Variants in CFAP46 observed in about 807,000 individuals in gnomAD.
CFAP46 encodes cilia- and flagella-associated protein 46.
CFAP46 carries 245 observed loss-of-function variants against 325.7 expected under a neutral mutation model. The ratio of observed to expected loss-of-function variants is 0.75; its 90% CI spans 0.68 to 0.84. CFAP46 has a LOEUF of 0.84. Among genes scored for constraint, CFAP46 ranks in the 40% least tolerant of loss-of-function variants. CFAP46 has a pLI of 0.00. For synonymous variants in CFAP46, 1,523 were observed against 1,495.9 expected (o/e 1.02, Z -0.42); for missense variants, 3,346 against 3,543.0 (o/e 0.94, Z 1.41).
At chr10:132,844,932 CA>C (rs2135089534) in intron 44 of CFAP46, among the ~76,000 whole-genome samples, 1 of 152,300 alleles carries the variant, frequency 6.6e-6, no homozygotes, top group Non-Finnish European at 1.5e-5. Context: ...TGGCTCACTG[CA>C]GCCTCGAACT....
At chr10:132,872,339 C>A (rs1331453011) in intron 32 of CFAP46, among the ~76,000 whole-genome samples, 1 of 152,164 alleles carries the variant, frequency 6.6e-6, no homozygotes, top group Non-Finnish European at 1.5e-5. Flanking sequence ...CTGCAGCCTC[C>A]ATTTCTTAGG....
Position 132,876,863 on chromosome 10 carries a change from C to T in CFAP46, c.4311G>A (p.Leu1437=), listed in dbSNP as rs773445247. ...YSCPEEVLSV[L]KQDRSDSTVN... is the part of the protein sequence containing the mutation. ...CAGTAGAGTCACTTCTGTCCTGTTT[C>T]AGTACAGACAGCACTTCCTCGGGGC... Residue 1437 remains leucine (L), a synonymous_variant, in exon 31 of 58, where the codon CTG becomes CTA. Coordinates refer to ENST00000368586, the MANE Select transcript of CFAP46 (RefSeq NM_001200049.3). This position sits in a 1 kb window ranked among gnomAD's most constrained non-coding sequence, Gnocchi z 4.1. 4.5e-5 allele frequency: 70 copies of T among 1,550,364 alleles called. No individual in the cohort carries two copies. The highest frequency in any genetic ancestry group is 1.7e-4 in the Middle Eastern group (1 of 5,940).
intron 8 of CFAP46, among the ~76,000 whole-genome samples, chr10:132,932,368 TCC>T (rs1849924770): frequency 6.3e-5 from 7 of 111,810 alleles, no homozygotes; most frequent in South Asian, 2.8e-4. Flanking sequence ...TGGGCTTTCC[TCC>T]TCCCCACGCA....
rs138576759 is a variant in CFAP46, at chr10:132,888,252, C to T, written c.3305-2293G>A. 9.4e-3 allele frequency among the ~76,000 whole-genome samples: 1,419 copies of T among 151,276 alleles called. 34 individuals are homozygous for T. The highest frequency in any genetic ancestry group is 0.032 in the African/African-American group (1,311 of 40,780). On this transcript the variant is annotated intron_variant, in intron 25 of 57. Coordinates refer to ENST00000368586, the MANE Select transcript of CFAP46 (RefSeq NM_001200049.3). Reference sequence around the variant, plus strand: ...GGGTCTTGGGTTTTCCTGGCTGTCTCCACACCCTGCCACCCCTCACCTGGC... The same window carrying T: ...GGGTCTTGGGTTTTCCTGGCTGTCTTCACACCCTGCCACCCCTCACCTGGC...
chr10:132,824,182 A>T (rs1200649186), intron 50 of CFAP46, among the ~76,000 whole-genome samples: 37 of 99,968 alleles, frequency 3.7e-4, no homozygotes, highest in African/African-American at 1.5e-3. Context: ...GTGAGCGCTG[A>T]TGTGTGCTGT....
rs985925526 is a variant in CFAP46, at chr10:132,811,158, G to A, written c.7502-127C>T. On this transcript the variant is annotated intron_variant, in intron 55 of 57. Coordinates refer to ENST00000368586, the MANE Select transcript of CFAP46 (RefSeq NM_001200049.3). Reference sequence around the variant, plus strand: ...ATGGCACGCTGGCCACTCAGCTCCGGGCTCCGACCTCATGACCGTCAGGTT... The same window carrying A: ...ATGGCACGCTGGCCACTCAGCTCCGAGCTCCGACCTCATGACCGTCAGGTT... 1.8e-5 allele frequency: 14 copies of A among 779,724 alleles called. 1 individual carries two copies. In the South Asian group the frequency reaches 2.3e-4, roughly 13 times the overall value. 48.3% of individuals were successfully genotyped at this position (779,724 alleles called of 1,614,324 possible). A position where few individuals can be genotyped will look rare whatever the true frequency, so the allele number is the denominator to read the frequency against.
chr10:132,812,311 T>C (rs1251640915), intron 55 of CFAP46, among the ~76,000 whole-genome samples: 2 of 152,202 alleles, frequency 1.3e-5, no homozygotes, highest in Non-Finnish European at 2.9e-5. Context: ...GGTGTCACTG[T>C]GCCAAGCATG....
At chr10:132,835,857 C>T (rs1217357508) in intron 46 of CFAP46, among the ~76,000 whole-genome samples, 1 of 144,658 alleles carries the variant, frequency 6.9e-6, no homozygotes, top group African/African-American at 2.6e-5. Context: ...GCTCCCCTCC[C>T]GAAACCACTC....
At chr10:132,937,865 T>G (rs1190791455) in intron 5 of CFAP46, among the ~76,000 whole-genome samples, 190 bp from the exon 6 acceptor site, 1 of 152,204 alleles carries the variant, frequency 6.6e-6, no homozygotes, top group African/African-American at 2.4e-5. Context: ...GACAGCTCGT[T>G]ACCGCTAGCA....
rs548253364 is a variant in CFAP46 at position 132,908,072 on chromosome 10, T to A, written c.2924+396A>T. On this transcript the variant is annotated intron_variant, in intron 22 of 57. Transcript: ENST00000368586. ...CCAGCAGGCCACACACCCCTCCTGC[T>A]GAGGCCCACGTGACTTCAGAATCCT... is the stretch of plus-strand genomic sequence containing the variant. Among the ~76,000 whole-genome samples, 8 of 152,354 alleles carry A rather than the reference T, an allele frequency of 5.3e-5. 1 individual carries two copies. In the East Asian group the frequency reaches 1.5e-3, roughly 29 times the overall value.
At position 132,889,749 on chromosome 10, in the gene CFAP46, A is replaced by G. The variant is rs4880462; in HGVS notation, c.3304+2584T>C. ...CTCCTCCCCGGAGGCCGTCAGCTCC[A>G]TGGTGCCTCCGGGTGGGTGAGGGCC... On this transcript the variant is annotated intron_variant, in intron 25 of 57. Coordinates refer to ENST00000368586, the MANE Select transcript of CFAP46 (RefSeq NM_001200049.3). This position sits in a 1 kb window ranked among gnomAD's most constrained non-coding sequence, Gnocchi z 6.0. Among the ~76,000 whole-genome samples the G allele has an allele frequency of 0.61, 91,986 of 151,978 alleles. 29,073 individuals are homozygous for G. Among genetic ancestry groups the G allele is most frequent in the African/African-American group, 0.78 (32,473 of 41,494 alleles).
intron 11 of CFAP46, among the ~76,000 whole-genome samples, chr10:132,924,463 T>A (rs1018348233): frequency 6.6e-6 from 1 of 152,176 alleles, no homozygotes; most frequent in Admixed American, 6.5e-5. Flanking sequence ...GGGACACAGA[T>A]GCCCGTGAGG....
chr10:132,832,603 A>C lies in CFAP46; in HGVS notation c.7117+755T>G. On this transcript the variant is annotated intron_variant, in intron 50 of 57. Transcript: ENST00000368586. This position sits in a 1 kb window ranked among gnomAD's most constrained non-coding sequence, Gnocchi z 4.1. ...TCCCTGTTACTTCATCTGAGATGGAAGCAAAAGTCCAATCGATTTATTTTT... is the reference window on the plus strand; with the variant it reads ...TCCCTGTTACTTCATCTGAGATGGACGCAAAAGTCCAATCGATTTATTTTT... The C allele has an allele frequency of 2.8e-6, 1 of 356,750 alleles. No individual in the cohort carries two copies. The highest frequency in any genetic ancestry group is 2.1e-5 in the South Asian group (1 of 48,508). 22.1% of individuals were successfully genotyped at this position (356,750 alleles called of 1,614,324 possible).
At chr10:132,912,599 T>TTTC (rs1849567878) in intron 19 of CFAP46, 56 bp downstream of exon 19, 1 of 1,386,162 alleles carries the variant, frequency 7.2e-7, no homozygotes, top group Non-Finnish European at 9.5e-7. Flanking sequence ...CTCTCTCTCC[T>TTTC]CTCTCCTCTC....
In CFAP46 at chr10:132,919,406, C is replaced by T. The variant is rs1849687253; in HGVS notation, c.1767G>A (p.Arg589=). The T allele has an allele frequency of 6.5e-7, 1 of 1,550,186 alleles. No individual in the cohort carries two copies. Among genetic ancestry groups the T allele is most frequent in the African/African-American group, 1.4e-5 (1 of 73,150 alleles). The part of the protein sequence containing the change: ...QIWAELAKVA[R]KQGVWDVCRT... ...GACAGACGTCCCACACGCCTTGTTT[C>T]CGGGCCACTTTGGCCAGCTCTGCCC... Residue 589 remains arginine, a synonymous_variant, in exon 15 of 58, where the codon CGG becomes CGA. Coordinates refer to ENST00000368586, the MANE Select transcript of CFAP46 (RefSeq NM_001200049.3). This position sits in a 1 kb window ranked among gnomAD's most constrained non-coding sequence, Gnocchi z 9.7.
chr10:132,830,434 G>C (rs1287780559), intron 50 of CFAP46, among the ~76,000 whole-genome samples: 2 of 152,192 alleles, frequency 1.3e-5, no homozygotes, highest in East Asian at 3.9e-4. Flanking sequence ...GAGCCACCGC[G>C]CCCAGCCAAG....
chr10:132,900,411 G>A (rs141536581), intron 22 of CFAP46, among the ~76,000 whole-genome samples: 452 of 152,376 alleles, frequency 3.0e-3, no homozygotes, highest in Middle Eastern at 0.01. Flanking sequence ...CAGGATTCTC[G>A]CCATGGATGG....
At position 132,939,305 on chromosome 10, in the gene CFAP46, G is replaced by T. The variant is rs1199684744; in HGVS notation, c.372-552C>A. Among the ~76,000 whole-genome samples the T allele has an allele frequency of 6.6e-6, 1 of 152,236 alleles. No homozygotes were observed. The highest frequency in any genetic ancestry group is 2.4e-5 in the African/African-American group (1 of 41,468). Reference sequence around the variant, plus strand: ...TGGGAAACAAAGTTCCCGTCTGCCAGCATAGAGTGTGAAGTGGAGGAGGGT... The same window carrying T: ...TGGGAAACAAAGTTCCCGTCTGCCATCATAGAGTGTGAAGTGGAGGAGGGT... On this transcript the variant is annotated intron_variant, in intron 4 of 57. Coordinates refer to ENST00000368586, the MANE Select transcript of CFAP46 (RefSeq NM_001200049.3). The surrounding 1 kb of genome is among the most constrained non-coding windows in gnomAD (Gnocchi z 4.6).
chr10:132,837,665 ACATG>A (rs927586820), intron 44 of CFAP46, among the ~76,000 whole-genome samples: 1 of 148,444 alleles, frequency 6.7e-6, no homozygotes, highest in African/African-American at 2.5e-5. Context: ...ATGCACACAG[ACATG>A]CACGGACACA....
Sources: allele counts gnomAD v4.1 joint callset (sites outside exome capture counted in the v4.1 genomes callset), GRCh38; gene constraint gnomAD v4.1.1; non-coding constraint Gnocchi (gnomAD v3.1); transcripts MANE v1.5; gene names NCBI Gene and HGNC (gene_info 2026-07-23, HGNC 2026-07-21).